Variants in TMEM117 observed in about 807,000 individuals in gnomAD.
The protein encoded by TMEM117 is transmembrane protein 117.
In TMEM117, 27 loss-of-function variants were observed where a neutral mutation model predicts 52.4. That is an observed-to-expected ratio of 0.51 (90% CI 0.38 to 0.71). The LOEUF is 0.71. Among genes scored for constraint, TMEM117 ranks in the 30% least tolerant of loss-of-function variants. The pLI, the probability that TMEM117 is intolerant of heterozygous loss-of-function variation, is 0.00. For synonymous variants in TMEM117, 215 were observed against 206.3 expected, an observed-to-expected ratio of 1.04 and a Z score of -0.36; for missense variants, 556 against 630.5, an observed-to-expected ratio of 0.88 and a Z score of 1.26.
upstream of TMEM117, among the ~76,000 whole-genome samples, chr12:43,831,767 C>T (rs942178434): frequency 6.6e-6 from 1 of 152,126 alleles, no homozygotes; most frequent in Non-Finnish European, 1.5e-5. Context: ...TGGTCTTGAA[C>T]TCCTGACCTT....
chr12:44,121,457 A>C (rs73288054), intron 3 of TMEM117, among the ~76,000 whole-genome samples: 2,522 of 152,286 alleles, frequency 0.017, 41 homozygotes, highest in South Asian at 0.052. Context: ...CGTAAAGATG[A>C]CGGGGATGAA....
the TMEM117 span, chr12:43,797,481 TA>T: frequency 1.3e-6 from 2 of 1,516,114 alleles, no homozygotes; most frequent in Non-Finnish European, 1.8e-6. Flanking sequence ...ATATGTTCAT[TA>T]AAACCAGATA....
intron 5 of TMEM117, among the ~76,000 whole-genome samples, chr12:44,248,077 A>G (rs182993802): frequency 6.6e-4 from 100 of 152,302 alleles, no homozygotes; most frequent in Middle Eastern, 6.8e-3. Flanking sequence ...ATGAGGATAT[A>G]GCCCCCAGTT....
chr12:44,179,151 C>T (rs1949155647), intron 4 of TMEM117, among the ~76,000 whole-genome samples: 1 of 152,044 alleles, frequency 6.6e-6, no homozygotes. Context: ...CGAGATCACG[C>T]CACTGTCCTC....
chr12:43,958,958 C>G (rs1434041644), intron 3 of TMEM117, among the ~76,000 whole-genome samples: 2 of 152,096 alleles, frequency 1.3e-5, no homozygotes, highest in East Asian at 3.9e-4. Context: ...AGGCGCCCAC[C>G]ACCACGCCCG....
intron 4 of TMEM117, among the ~76,000 whole-genome samples, chr12:44,170,470 A>G (rs1447137945): frequency 1.3e-5 from 2 of 152,206 alleles, no homozygotes; most frequent in Non-Finnish European, 2.9e-5. Flanking sequence ...AATTAAAAAA[A>G]ATCATTACCA....
intron 5 of TMEM117, among the ~76,000 whole-genome samples, chr12:44,224,717 T>C (rs1949838358): frequency 6.6e-6 from 1 of 152,102 alleles, no homozygotes; most frequent in African/African-American, 2.4e-5. Context: ...GTAAAGCAGG[T>C]TTTGCTTTTG....
At chr12:44,003,641 C>T (rs1762151217) in intron 3 of TMEM117, among the ~76,000 whole-genome samples, 1 of 152,176 alleles carries the variant, frequency 6.6e-6, no homozygotes, top group South Asian at 2.1e-4. Context: ...AATAATCTGT[C>T]CATTTCTCTA....
intron 6 of TMEM117, among the ~76,000 whole-genome samples, chr12:44,333,578 G>T (rs1294060837): frequency 6.6e-6 from 1 of 151,840 alleles, no homozygotes; most frequent in African/African-American, 2.4e-5. Context: ...CCTTTGCTTG[G>T]CACTTCTCCT....
chr12:44,059,450 T>C (rs1395765689), intron 3 of TMEM117, among the ~76,000 whole-genome samples: 2 of 152,238 alleles, frequency 1.3e-5, no homozygotes, highest in African/African-American at 4.8e-5. Context: ...CAACATTTGC[T>C]GTAGCAGATG....
intron 6 of TMEM117, among the ~76,000 whole-genome samples, chr12:44,317,051 C>G (rs1951064786): frequency 7.3e-6 from 1 of 136,200 alleles, no homozygotes; most frequent in Admixed American, 8.0e-5. Context: ...TCTTGTTGAG[C>G]CTCCTTGCAA....
intron 1 of TMEM117, among the ~76,000 whole-genome samples, chr12:43,843,668 GT>G (rs1016130356): frequency 6.6e-6 from 1 of 152,174 alleles, no homozygotes; most frequent in Non-Finnish European, 1.5e-5. Context: ...TTCTTCACTA[GT>G]AAAAAAATTC....
At position 44,253,181 on chromosome 12, in the gene TMEM117, A is replaced by G. The variant is rs191215139; in HGVS notation, c.608+41794A>G. ...GAAAAGAATAACTAATTAAACATTA[A>G]TGAATAGGGGGAGTGTGTGTGGGAG... On this transcript the variant is annotated intron_variant, in intron 5 of 7. Transcript: ENST00000266534. Among the ~76,000 whole-genome samples, 22 of 152,328 alleles carry G rather than the reference A, an allele frequency of 1.4e-4. No homozygotes were observed. The East Asian group carries it at 3.5e-3, about 24-fold the overall frequency.
At chr12:44,178,013 A>C (rs750677585) in intron 4 of TMEM117, among the ~76,000 whole-genome samples, 1 of 152,200 alleles carries the variant, frequency 6.6e-6, no homozygotes, top group African/African-American at 2.4e-5. Flanking sequence ...AATTAAAGAC[A>C]CATAATATAA....
chr12:44,238,789 A>G (rs985853853), intron 5 of TMEM117, among the ~76,000 whole-genome samples: 1 of 152,224 alleles, frequency 6.6e-6, no homozygotes, highest in Admixed American at 6.5e-5. Flanking sequence ...GCTGGATTCA[A>G]CTAACAAACT....
chr12:43,945,953 CA>C (rs1427841792), intron 3 of TMEM117, among the ~76,000 whole-genome samples: 1 of 151,980 alleles, frequency 6.6e-6, no homozygotes, highest in Non-Finnish European at 1.5e-5. Context: ...AGATGAATAG[CA>C]AAGGGAAAAA....
At chr12:43,797,581 C>T in the TMEM117 span, 10 of 1,417,954 alleles carry the variant, frequency 7.1e-6, no homozygotes, top group Non-Finnish European at 9.5e-6. Flanking sequence ...TCACAATGAA[C>T]ATTTACAAAA....
intron 3 of TMEM117, among the ~76,000 whole-genome samples, chr12:43,947,642 A>G (rs1386550752): frequency 6.6e-6 from 1 of 152,236 alleles, no homozygotes; most frequent in African/African-American, 2.4e-5. Flanking sequence ...TTGGTAGTAG[A>G]GAGGAATTCA....
chr12:43,895,968 AT>A (rs1259234147), intron 2 of TMEM117, among the ~76,000 whole-genome samples: 1 of 152,124 alleles, frequency 6.6e-6, no homozygotes, highest in Non-Finnish European at 1.5e-5. Context: ...TGCCTGCTTT[AT>A]TCTAGCCACA....
Sources: gnomAD v4.1 joint callset for allele counts (sites outside exome capture counted in the v4.1 genomes callset) on GRCh38, gnomAD v4.1.1 for gene constraint, MANE v1.5 for transcripts, NCBI Gene and HGNC (gene_info 2026-07-23, HGNC 2026-07-21) for gene names.